The following KLHL12 variants were observed in gnomAD, a reference collection of about 807,000 sequenced individuals.
KLHL12 encodes kelch like family member 12.
In KLHL12, 17 loss-of-function variants were observed where a neutral mutation model predicts 60.8. The ratio of observed to expected loss-of-function variants is 0.28; its 90% CI spans 0.19 to 0.42. KLHL12 has a LOEUF of 0.42. Ranked by LOEUF, KLHL12 falls within the 10% of genes least tolerant of loss-of-function variation. KLHL12 has a pLI of 1.00. For synonymous variants in KLHL12, 220 were observed against 250.9 expected (o/e 0.88, Z 1.16); for missense variants, 468 against 722.3 (o/e 0.65, Z 4.04).
rs1659718026 is a variant in KLHL12, at chr1:202,892,792, G to A, written c.1581-133C>T. The stretch of plus-strand genomic sequence containing the variant: ...AGGAGGGAATTTGAGACCAGCCTGG[G>A]CAACATGGTGAGACCCTGTCTCAAT... On this transcript the variant is annotated intron_variant, in intron 11 of 11. Coordinates refer to ENST00000367261, the MANE Select transcript of KLHL12 (RefSeq NM_021633.4). 1.2e-5 allele frequency: 10 copies of A among 807,412 alleles called. No homozygotes were observed. In the South Asian group the frequency reaches 1.8e-4, roughly 15 times the overall value. The allele number at this position is 807,412 out of a possible 1,614,324, so 50.0% of individuals were successfully genotyped here.
In KLHL12 at chr1:202,894,692, C is replaced by A. The variant is rs1476378142; in HGVS notation, c.1193G>T (p.Arg398Leu). ...CCACTGGTCAATGTTTGGATCATAG[C>A]GCTCCATACTGGTGTGACGCCTGCT... ...DGSRRHTSME[R>L]YDPNIDQWSM... is the part of the protein sequence containing the mutation. Residue 398 changes from arginine to leucine, a missense_variant, in exon 9 of 12, where the codon CGC becomes CTC. Physicochemically the swap from Arg to Leu is moderately radical, Grantham distance 102. Coordinates refer to ENST00000367261, the MANE Select transcript of KLHL12 (RefSeq NM_021633.4). The A allele has an allele frequency of 5.6e-6, 9 of 1,613,950 alleles. No homozygotes were observed. The highest frequency in any genetic ancestry group is 1.1e-5 in the South Asian group (1 of 91,076).
At chr1:202,910,002 C>T (rs1158323135) in intron 5 of KLHL12, among the ~76,000 whole-genome samples, 1 of 152,146 alleles carries the variant, frequency 6.6e-6, no homozygotes, top group Non-Finnish European at 1.5e-5. Flanking sequence ...CTAAAGGACA[C>T]AGCTCTAATT....
intron 4 of KLHL12, chr1:202,912,245 G>A (rs963058592): frequency 9.0e-7 from 1 of 1,109,032 alleles, no homozygotes; most frequent in Non-Finnish European, 1.4e-6. Context: ...GCAGTGGCAA[G>A]AAAAGGGGCT....
At position 202,900,777 on chromosome 1, in the gene KLHL12, T is replaced by A. The variant is rs564061945; in HGVS notation, c.833-3817A>T. ...TACTTGGGAGGGTGAGGCACGAGAA[T>A]CGCTTGAACCTGGGAGATGCAGGTT... On this transcript the variant is annotated intron_variant, in intron 6 of 11. Coordinates refer to ENST00000367261, the MANE Select transcript of KLHL12 (RefSeq NM_021633.4). 1.1e-3 allele frequency among the ~76,000 whole-genome samples: 173 copies of A among 152,100 alleles called. 1 individual carries two copies. Among genetic ancestry groups the A allele is most frequent in the African/African-American group, 3.9e-3 (161 of 41,492 alleles).
chr1:202,893,553 C>T lies in KLHL12; in HGVS notation c.1394-128G>A, dbSNP rs1321184884. 1.1e-5 allele frequency: 8 copies of T among 716,596 alleles called. No homozygotes were observed. The highest frequency in any genetic ancestry group is 3.9e-5 in the South Asian group (2 of 51,552). 44.4% of individuals were successfully genotyped at this position (716,596 alleles called of 1,614,324 possible). ...ATGAGGGATATGGAATGGGCCCACA[C>T]GGGCCTAGAATAATCTAGTCCAGCA... On this transcript the variant is annotated intron_variant, in intron 10 of 11. Transcript: ENST00000367261. This position sits in a 1 kb window ranked among gnomAD's most constrained non-coding sequence, Gnocchi z 4.1.
chr1:202,922,521 C>G (rs1320323877), intron 2 of KLHL12, among the ~76,000 whole-genome samples: 17 of 150,230 alleles, frequency 1.1e-4, no homozygotes, highest in Non-Finnish European at 2.1e-4. Flanking sequence ...GAGTCTCGCT[C>G]TGTCACCCAG....
chr1:202,920,470 G>C lies in KLHL12; in HGVS notation c.196-562C>G, dbSNP rs934600784. 2.3e-5 allele frequency among the ~76,000 whole-genome samples: 3 copies of C among 128,586 alleles called. No individual in the cohort carries two copies. In the East Asian group the frequency reaches 7.2e-4, roughly 31 times the overall value. The allele number at this position is 128,586 out of a possible 152,430, so 84.4% of individuals were successfully genotyped here. A position where few individuals can be genotyped will look rare whatever the true frequency, so the allele number is the denominator to read the frequency against. On this transcript the variant is annotated intron_variant, in intron 2 of 11. Coordinates refer to ENST00000367261, the MANE Select transcript of KLHL12 (RefSeq NM_021633.4). ...CGGCTCACTGCAAGCTCCACCTCCT[G>C]GGTTCATGCCATTCTCCTGGCTCAG...
chr1:202,903,159 CAAAAA>C (rs67432749), intron 6 of KLHL12, among the ~76,000 whole-genome samples: 8 of 52,016 alleles, frequency 1.5e-4, no homozygotes, highest in Non-Finnish European at 2.2e-4. Context: ...GACCTTGTCT[CAAAAA>C]AAAAAAAAAA....
intron 6 of KLHL12, 37 bp from the exon 7 acceptor site, chr1:202,896,997 G>C (rs200356503): frequency 6.7e-7 from 1 of 1,500,870 alleles, no homozygotes; most frequent in Admixed American, 1.7e-5. Flanking sequence ...GGTTAGTTCA[G>C]CATCCCTGGA....
rs1361103357 is a variant in KLHL12 at position 202,892,411 on chromosome 1, A to G, written c.*122T>C. Reference sequence around the variant, plus strand: ...GTCAAATAAGTACAATCATCACTGCACTGGTGCCTGTAATCACCCGGTGCA... The same window carrying G: ...GTCAAATAAGTACAATCATCACTGCGCTGGTGCCTGTAATCACCCGGTGCA... On this transcript the variant is annotated 3_prime_UTR_variant, in exon 12 of 12. Coordinates refer to ENST00000367261, the MANE Select transcript of KLHL12 (RefSeq NM_021633.4). 9.1e-7 allele frequency: 1 copy of G among 1,097,282 alleles called. No individual in the cohort carries two copies. The highest frequency in any genetic ancestry group is 1.3e-6 in the Non-Finnish European group (1 of 747,476). 68.0% of individuals were successfully genotyped at this position (1,097,282 alleles called of 1,614,324 possible).
upstream of KLHL12, chr1:202,927,404 A>G: frequency 2.5e-6 from 1 of 400,588 alleles, no homozygotes; most frequent in Non-Finnish European, 3.4e-6. Flanking sequence ...TCGGGTGGGC[A>G]GGGAATGGTG....
intron 6 of KLHL12, among the ~76,000 whole-genome samples, chr1:202,899,568 G>A (rs1318842792): frequency 2.6e-5 from 4 of 152,054 alleles, no homozygotes; most frequent in African/African-American, 9.7e-5. Flanking sequence ...GCTCATGCCT[G>A]TAATCCTAGC....
intron 4 of KLHL12, chr1:202,912,419 T>C (rs1660391369): frequency 2.4e-6 from 2 of 821,986 alleles, no homozygotes; most frequent in South Asian, 1.3e-5. Context: ...CTGGAAACTT[T>C]GGTTTGGTCG....
At chr1:202,902,518 A>G (rs1660043872) in intron 6 of KLHL12, among the ~76,000 whole-genome samples, 1 of 152,146 alleles carries the variant, frequency 6.6e-6, no homozygotes, top group African/African-American at 2.4e-5. Flanking sequence ...TTTTCCAAAT[A>G]TATGAATAAC....
chr1:202,892,690 G>T, intron 11 of KLHL12, 31 bp from the exon 12 acceptor site: 1 of 1,609,328 alleles, frequency 6.2e-7, no homozygotes, highest in South Asian at 1.1e-5. Flanking sequence ...AGAAAGAAAT[G>T]AGTCAGCTGC....
intron 11 of KLHL12, 37 bp from the exon 12 acceptor site, chr1:202,892,696 G>C: frequency 6.2e-7 from 1 of 1,606,634 alleles, no homozygotes; most frequent in Non-Finnish European, 8.5e-7. Context: ...AAATGAGTCA[G>C]CTGCGTGCAG....
At chr1:202,922,148 G>C (rs1349335460) in intron 2 of KLHL12, among the ~76,000 whole-genome samples, 1 of 152,108 alleles carries the variant, frequency 6.6e-6, no homozygotes, top group African/African-American at 2.4e-5. Context: ...AGAACTTAGA[G>C]CAATTATACA....
At chr1:202,902,435 A>T (rs1298393470) in intron 6 of KLHL12, among the ~76,000 whole-genome samples, 2 of 151,994 alleles carry the variant, frequency 1.3e-5, no homozygotes, top group African/African-American at 4.8e-5. Context: ...GTCCAAAAAA[A>T]AAAACACCAA....
intron 6 of KLHL12, among the ~76,000 whole-genome samples, chr1:202,900,298 C>A (rs1246121979): frequency 6.8e-6 from 1 of 147,402 alleles, no homozygotes; most frequent in Non-Finnish European, 1.5e-5. Context: ...AATCCTAGCA[C>A]TTTGGGAGGC....
Sources: gnomAD v4.1 joint callset for allele counts (sites outside exome capture counted in the v4.1 genomes callset) on GRCh38, gnomAD v4.1.1 for gene constraint, Gnocchi (gnomAD v3.1) non-coding constraint, MANE v1.5 for transcripts, NCBI Gene and HGNC (gene_info 2026-07-23, HGNC 2026-07-21) for gene names.